The following KIF13A variants were observed in gnomAD, a reference collection of about 807,000 sequenced individuals.
The protein encoded by KIF13A is kinesin-like protein KIF13A.
Under a neutral mutation model 212.2 loss-of-function variants are expected in KIF13A, and 79 were observed. The ratio of observed to expected loss-of-function variants is 0.37; its 90% CI spans 0.31 to 0.45. KIF13A has a LOEUF of 0.45. Among genes scored for constraint, KIF13A ranks in the 20% least tolerant of loss-of-function variants. The pLI is 1.00. For missense variants in KIF13A, 1,901 were observed against 2,209.0 expected (o/e 0.86, Z 2.79); for synonymous variants, 789 against 808.6 (o/e 0.98, Z 0.41).
chr6:17,820,261 G>A (rs1039809029), intron 16 of KIF13A, among the ~76,000 whole-genome samples: 4 of 152,122 alleles, frequency 2.6e-5, no homozygotes, highest in Admixed American at 2.0e-4. Flanking sequence ...AACTCAATCC[G>A]TCCTTCCTCT....
intron 2 of KIF13A, among the ~76,000 whole-genome samples, chr6:17,985,200 G>C (rs746427964): frequency 6.6e-6 from 1 of 152,158 alleles, no homozygotes; most frequent in Non-Finnish European, 1.5e-5. Context: ...AAACACGAGA[G>C]TACCCATATT....
Position 17,856,064 on chromosome 6 carries a change from C to G in KIF13A, c.279G>C (p.Gly93=). 2 of 1,613,590 alleles carry G rather than the reference C, an allele frequency of 1.2e-6. No individual in the cohort carries two copies. The highest frequency in any genetic ancestry group is 1.6e-4 in the Middle Eastern group (1 of 6,062). ...GEGILEKAFQ[G]YNACIFAYGQ... ...CATATGCAAAAATACACGCATTATA[C>G]CCCTGAAAGGCTTTTTCAAGAATTC... The change falls in exon 5 of 39, where the codon GGG becomes GGC. Residue 93 remains glycine, a synonymous_variant. Coordinates refer to ENST00000259711, the MANE Select transcript of KIF13A (RefSeq NM_022113.6). This position sits in a 1 kb window ranked among gnomAD's most constrained non-coding sequence, Gnocchi z 4.5.
intron 2 of KIF13A, among the ~76,000 whole-genome samples, chr6:17,938,867 T>C (rs1259923598): frequency 6.6e-6 from 1 of 151,584 alleles, no homozygotes; most frequent in Non-Finnish European, 1.5e-5. Flanking sequence ...TGTGTTGTTA[T>C]ATAAGGAATG....
Position 17,839,380 on chromosome 6 carries a change from T to A in KIF13A, c.831-1797A>T, listed in dbSNP as rs992734574. 1.3e-5 allele frequency among the ~76,000 whole-genome samples: 2 copies of A among 152,188 alleles called. No individual in the cohort carries two copies. Among genetic ancestry groups the A allele is most frequent in the East Asian group, 3.9e-4 (2 of 5,188 alleles). The stretch of plus-strand genomic sequence containing the variant: ...GCAGCTTTATCCACAAAAGTCAAAA[T>A]GTGGAAACGACCACATGCCCATCAA... On this transcript the variant is annotated intron_variant, in intron 9 of 38. Transcript: ENST00000259711. The surrounding 1 kb of genome is among the most constrained non-coding windows in gnomAD (Gnocchi z 4.3).
At chr6:17,908,835 G>A (rs1773766374) in intron 2 of KIF13A, among the ~76,000 whole-genome samples, 3 of 152,220 alleles carry the variant, frequency 2.0e-5, no homozygotes, top group East Asian at 3.9e-4. Context: ...CTTCCTTCTG[G>A]CATAACTGTA....
At chr6:17,881,009 T>G (rs1771010962) in intron 3 of KIF13A, among the ~76,000 whole-genome samples, 1 of 152,186 alleles carries the variant, frequency 6.6e-6, no homozygotes, top group Admixed American at 6.5e-5. Context: ...GAACATTTTT[T>G]TTGCAAAGGC....
Position 17,898,265 on chromosome 6 carries a change from G to A in KIF13A, c.147-85C>T. ...GCCACATCAGAGGGAAACAATGAAA[G>A]AGAAAAAAATAAGGTAAATTCAGCA... On this transcript the variant is annotated intron_variant, in intron 2 of 38. Transcript: ENST00000259711. The surrounding 1 kb of genome is among the most constrained non-coding windows in gnomAD (Gnocchi z 5.2). 7 of 1,337,398 alleles carry A rather than the reference G, an allele frequency of 5.2e-6. No homozygotes were observed. Among genetic ancestry groups the A allele is most frequent in the Admixed American group, 2.0e-5 (1 of 50,438 alleles). The allele number at this position is 1,337,398 out of a possible 1,614,324, so 82.8% of individuals were successfully genotyped here.
chr6:17,957,331 G>A (rs927519887), intron 2 of KIF13A, among the ~76,000 whole-genome samples: 9 of 152,316 alleles, frequency 5.9e-5, no homozygotes, highest in Admixed American at 5.9e-4. Context: ...CACATGCTGG[G>A]AGGGTGGTGT....
intron 2 of KIF13A, among the ~76,000 whole-genome samples, chr6:17,974,939 G>A (rs1049372119): frequency 1.2e-4 from 18 of 152,318 alleles, no homozygotes; most frequent in Middle Eastern, 3.4e-3. Context: ...TGAAGATATA[G>A]CATATTTCCA....
chr6:17,903,266 T>C (rs6903880), intron 2 of KIF13A, among the ~76,000 whole-genome samples: 8,177 of 152,314 alleles, frequency 0.054, 559 homozygotes, highest in African/African-American at 0.16. Flanking sequence ...TTACTCTCCT[T>C]GCATATTCAA....
At position 17,912,653 on chromosome 6, in the gene KIF13A, ATC is replaced by A. The variant is rs1322289093; in HGVS notation, c.147-14475_147-14474del. On this transcript the variant is annotated intron_variant, in intron 2 of 38. Coordinates refer to ENST00000259711, the MANE Select transcript of KIF13A (RefSeq NM_022113.6). The surrounding 1 kb of genome is among the most constrained non-coding windows in gnomAD (Gnocchi z 4.2). ...ATGCATCTTCAAGTCTCTTTTTTCC[ATC>A]TCTGACTTCATGTTTGTTTTTAAAA... Among the ~76,000 whole-genome samples the A allele has an allele frequency of 6.6e-6, 1 of 152,088 alleles. No individual in the cohort carries two copies. The highest frequency in any genetic ancestry group is 1.5e-5 in the Non-Finnish European group (1 of 68,014).
rs1772911029 is a variant in KIF13A, at chr6:17,900,006, A to AT, written c.147-1827dup. On this transcript the variant is annotated intron_variant, in intron 2 of 38. Coordinates refer to ENST00000259711, the MANE Select transcript of KIF13A (RefSeq NM_022113.6). The surrounding 1 kb of genome is among the most constrained non-coding windows in gnomAD (Gnocchi z 4.6). ...ACCATATTTTTGACTAAACCTTCTCATTTTGCTTGCTTTATTCTTTAAAAG... is the reference window on the plus strand; with the variant it reads ...ACCATATTTTTGACTAAACCTTCTCATTTTTGCTTGCTTTATTCTTTAAAAG... Among the ~76,000 whole-genome samples, 1 of 152,176 alleles carries AT rather than the reference A, an allele frequency of 6.6e-6. No homozygotes were observed. Among genetic ancestry groups the AT allele is most frequent in the Admixed American group, 6.5e-5 (1 of 15,274 alleles).
intron 25 of KIF13A, among the ~76,000 whole-genome samples, chr6:17,792,196 CAAAAAAAAAAA>C (rs10666115): frequency 1.3e-5 from 1 of 75,116 alleles, no homozygotes; most frequent in African/African-American, 5.5e-5. Context: ...GAGTGAGACT[CAAAAAAAAAAA>C]AAAAAAAAAA....
intron 16 of KIF13A, among the ~76,000 whole-genome samples, chr6:17,818,662 G>A (rs1287948506): frequency 1.3e-5 from 2 of 152,250 alleles, no homozygotes; most frequent in East Asian, 1.9e-4. Context: ...TTTGCAACAA[G>A]CCTAAGTGTG....
intron 9 of KIF13A, among the ~76,000 whole-genome samples, chr6:17,846,652 T>G (rs1252821204): frequency 1.3e-5 from 2 of 150,216 alleles, no homozygotes; most frequent in African/African-American, 2.4e-5. Flanking sequence ...GGTAAGATGT[T>G]GAGAGAATTC....
Position 17,808,821 on chromosome 6 carries a change from C to G in KIF13A, c.2110G>C (p.Asp704His), listed in dbSNP as rs370174871. The change falls in exon 18 of 39, where the codon GAT becomes CAT. Residue 704 changes from aspartate (D) to histidine (H), a missense_variant. This residue lies in a region of KIF13A where 534 missense variants were observed against 536.9 expected (regional missense o/e 0.99). Coordinates refer to ENST00000259711, the MANE Select transcript of KIF13A (RefSeq NM_022113.6). ...FLAEEMSKLT[D>H]YQVTLQIPAA... ...GGGATCTGAAGAGTCACTTGGTAAT[C>G]GGTGAGTTTGCTCATTTCCTCAGCC... 6.2e-7 allele frequency: 1 copy of G among 1,613,736 alleles called. No homozygotes were observed. The highest frequency in any genetic ancestry group is 8.5e-7 in the Non-Finnish European group (1 of 1,179,856).
At chr6:17,981,464 C>T (rs1781078854) in intron 2 of KIF13A, among the ~76,000 whole-genome samples, 1 of 135,460 alleles carries the variant, frequency 7.4e-6, no homozygotes, top group Admixed American at 8.0e-5. Context: ...CTCGCTCTGT[C>T]GCCAGGCTGG....
intron 2 of KIF13A, among the ~76,000 whole-genome samples, chr6:17,935,773 C>T (rs6937334): frequency 0.72 from 108,991 of 152,060 alleles, 39,681 homozygotes; most frequent in South Asian, 0.83. Flanking sequence ...ACTTTCAAAA[C>T]TCAAAAGTTG....
At chr6:17,817,346 T>C (rs548787723) in intron 16 of KIF13A, 113 bp from the exon 17 acceptor site, 5 of 870,540 alleles carry the variant, frequency 5.7e-6, no homozygotes, top group South Asian at 3.2e-5. Context: ...AGCCAGTCAA[T>C]ACGCTTTTTG....
Sources: allele counts gnomAD v4.1 joint callset (sites outside exome capture counted in the v4.1 genomes callset), GRCh38; gene constraint gnomAD v4.1.1; regional missense constraint gnomAD v4.1.1; non-coding constraint Gnocchi (gnomAD v3.1); transcripts MANE v1.5; gene names NCBI Gene and HGNC (gene_info 2026-07-23, HGNC 2026-07-21).